The following POFUT3 variants were observed in gnomAD, a reference collection of about 807,000 sequenced individuals.
POFUT3 encodes the protein protein O-fucosyltransferase 3, also known as GDP-fucose protein O-fucosyltransferase 3.
the POFUT3 span, among the ~76,000 whole-genome samples, chr8:33,465,739 G>A: frequency 2.0e-5 from 3 of 152,064 alleles, no homozygotes; most frequent in Non-Finnish European, 4.4e-5. Context: ...GCCTCCCAAA[G>A]TGCTAGGATT....
the POFUT3 span, among the ~76,000 whole-genome samples, chr8:33,392,970 G>C: frequency 6.6e-6 from 1 of 151,868 alleles, no homozygotes; most frequent in Non-Finnish European, 1.5e-5. Flanking sequence ...GACAGAGTGA[G>C]ACTCTGTCTC....
the POFUT3 span, among the ~76,000 whole-genome samples, chr8:33,448,776 A>G: frequency 6.6e-6 from 1 of 152,012 alleles, no homozygotes. Context: ...TCTTCTAAAA[A>G]CACAAAAATT....
At chr8:33,418,769 C>T in the POFUT3 span, among the ~76,000 whole-genome samples, 2 of 152,162 alleles carry the variant, frequency 1.3e-5, no homozygotes, top group Non-Finnish European at 2.9e-5. Flanking sequence ...AAAGCAACAC[C>T]TGCACCCCCG....
chr8:33,355,220 T>C, the POFUT3 span, among the ~76,000 whole-genome samples: 2 of 152,208 alleles, frequency 1.3e-5, no homozygotes, highest in Admixed American at 6.5e-5. Flanking sequence ...TATATTCCAA[T>C]ATCAATATTA....
At chr8:33,350,212 C>T in the POFUT3 span, among the ~76,000 whole-genome samples, 1 of 152,050 alleles carries the variant, frequency 6.6e-6, no homozygotes, top group Admixed American at 6.6e-5. Flanking sequence ...TTCTCTGGGT[C>T]GTCTGTTTCC....
the POFUT3 span, among the ~76,000 whole-genome samples, chr8:33,387,632 C>T: frequency 1.3e-5 from 2 of 152,002 alleles, no homozygotes; most frequent in African/African-American, 4.8e-5. Flanking sequence ...GGTGAAACCC[C>T]GTCTCTACTA....
At chr8:33,372,744 C>G in the POFUT3 span, 4 of 1,614,058 alleles carry the variant, frequency 2.5e-6, no homozygotes, top group East Asian at 8.9e-5. Flanking sequence ...AAAGCAAACA[C>G]TGTGGGCTCT....
chr8:33,331,577 T>G, the POFUT3 span, among the ~76,000 whole-genome samples: 394 of 152,132 alleles, frequency 2.6e-3, 1 homozygote, highest in African/African-American at 8.6e-3. Flanking sequence ...ATCTCAGCAC[T>G]TTGGGAGGCC....
chr8:33,414,876 C>T, the POFUT3 span, among the ~76,000 whole-genome samples: 1 of 151,834 alleles, frequency 6.6e-6, no homozygotes, highest in South Asian at 2.1e-4. Context: ...CAGTGCCTGG[C>T]TCATTATGTT....
the POFUT3 span, among the ~76,000 whole-genome samples, chr8:33,411,531 G>T: frequency 1.3e-5 from 2 of 152,226 alleles, no homozygotes; most frequent in Admixed American, 1.3e-4. Context: ...GCTCATGCCT[G>T]TAATCCCAGC....
chr8:33,460,452 CAT>C, the POFUT3 span, among the ~76,000 whole-genome samples: 1 of 152,204 alleles, frequency 6.6e-6, no homozygotes, highest in Non-Finnish European at 1.5e-5. Context: ...CGTTTCAGTT[CAT>C]TCATCCATAC....
chr8:33,319,648 T>C, the POFUT3 span, among the ~76,000 whole-genome samples: 1 of 61,608 alleles, frequency 1.6e-5, no homozygotes, highest in African/African-American at 6.8e-5. Context: ...ATTTATATAT[T>C]ATATAAATAT....
At chr8:33,313,255 TA>T in the POFUT3 span, among the ~76,000 whole-genome samples, 2 of 152,186 alleles carry the variant, frequency 1.3e-5, no homozygotes, top group Non-Finnish European at 2.9e-5. Context: ...TTCTGGTTAT[TA>T]CAGCAAAATA....
At chr8:33,412,641 T>A in the POFUT3 span, among the ~76,000 whole-genome samples, 1 of 152,192 alleles carries the variant, frequency 6.6e-6, no homozygotes, top group Non-Finnish European at 1.5e-5. Flanking sequence ...TCATTATTGT[T>A]GTTTGAGACA....
At chr8:33,348,349 AAAT>A in the POFUT3 span, among the ~76,000 whole-genome samples, 1 of 152,204 alleles carries the variant, frequency 6.6e-6, no homozygotes, top group Non-Finnish European at 1.5e-5. Flanking sequence ...TGATGAGTGA[AAAT>A]AATGAGTCCA....
At chr8:33,471,396 C>G in the POFUT3 span, among the ~76,000 whole-genome samples, 1 of 152,020 alleles carries the variant, frequency 6.6e-6, no homozygotes, top group Non-Finnish European at 1.5e-5. Flanking sequence ...TACACGCACA[C>G]GCCACCACAT....
the POFUT3 span, among the ~76,000 whole-genome samples, chr8:33,388,169 A>G: frequency 4.0e-4 from 61 of 152,246 alleles, no homozygotes; most frequent in African/African-American, 1.4e-3. Context: ...TTTGCCAGAA[A>G]GAGAAAGAGT....
At chr8:33,352,530 T>A in the POFUT3 span, among the ~76,000 whole-genome samples, 13 of 152,304 alleles carry the variant, frequency 8.5e-5, no homozygotes, top group African/African-American at 3.1e-4. Context: ...TCTTTTTTTT[T>A]AAATGAACCC....
chr8:33,319,878 T>C, the POFUT3 span, among the ~76,000 whole-genome samples: 16 of 146,774 alleles, frequency 1.1e-4, no homozygotes, highest in African/African-American at 3.8e-4. Flanking sequence ...GAAGAAGGTA[T>C]AGCTAGCTGC....
Sources: gnomAD v4.1 joint callset for allele counts (sites outside exome capture counted in the v4.1 genomes callset) on GRCh38, gnomAD v4.1.1 for gene constraint, MANE v1.5 for transcripts, NCBI Gene and HGNC (gene_info 2026-07-23, HGNC 2026-07-21) for gene names.